Variants in LHFPL2 observed in about 807,000 individuals in gnomAD.
The protein encoded by LHFPL2 is LHFPL tetraspan subfamily member 2.
LHFPL2 carries 7 observed loss-of-function variants against 17.5 expected under a neutral mutation model. That is an observed-to-expected ratio of 0.40 (90% CI 0.23 to 0.75). LHFPL2 has a LOEUF of 0.75. Ranked by LOEUF, LHFPL2 falls within the 30% of genes least tolerant of loss-of-function variation. LHFPL2 has a pLI of 0.37. For synonymous variants in LHFPL2, 134 were observed against 116.2 expected, an observed-to-expected ratio of 1.15 and a Z score of -0.99; for missense variants, 241 against 294.8, an observed-to-expected ratio of 0.82 and a Z score of 1.34.
At chr5:78,554,702 G>A (rs1278111135) in intron 3 of LHFPL2, among the ~76,000 whole-genome samples, 1 of 152,244 alleles carries the variant, frequency 6.6e-6, no homozygotes, top group Non-Finnish European at 1.5e-5. Context: ...GCTTATTCGT[G>A]CTGAGGAAAC....
rs1355815701 is a variant in LHFPL2 at position 78,513,038 on chromosome 5, TGC to T, written c.-185-2642_-185-2641del. Among the ~76,000 whole-genome samples the T allele has an allele frequency of 3.3e-5, 5 of 152,266 alleles. No individual in the cohort carries two copies. In the East Asian group the frequency reaches 9.7e-4, roughly 29 times the overall value. ...CCAAAGTGCTAGGATTATAGGCGTG[TGC>T]AACCACCCCTGCCTGAATGTAATTT... On this transcript the variant is annotated intron_variant, in intron 3 of 4. Coordinates refer to ENST00000380345, the MANE Select transcript of LHFPL2 (RefSeq NM_005779.3).
At chr5:78,586,878 T>C (rs1184554187) in intron 2 of LHFPL2, among the ~76,000 whole-genome samples, 1 of 152,362 alleles carries the variant, frequency 6.6e-6, no homozygotes, top group East Asian at 1.9e-4. Context: ...ATATTCTTTT[T>C]ATATATACCA....
At chr5:78,635,944 T>A (rs772813052) in intron 1 of LHFPL2, among the ~76,000 whole-genome samples, 5 of 152,134 alleles carry the variant, frequency 3.3e-5, no homozygotes, top group Non-Finnish European at 7.3e-5. Context: ...AATGGCCACA[T>A]TAGAAGTGTG....
intron 2 of LHFPL2, among the ~76,000 whole-genome samples, chr5:78,568,669 A>T (rs1231101229): frequency 6.6e-6 from 1 of 152,176 alleles, no homozygotes; most frequent in Non-Finnish European, 1.5e-5. Context: ...AGTTGACCCG[A>T]GGTGGTCCAG....
At chr5:78,580,695 A>G (rs551592635) in intron 2 of LHFPL2, among the ~76,000 whole-genome samples, 1 of 152,124 alleles carries the variant, frequency 6.6e-6, no homozygotes, top group Non-Finnish European at 1.5e-5. Flanking sequence ...GTTCTGTTCC[A>G]TCGGTCTATT....
At chr5:78,523,182 T>C (rs1240978047) in intron 3 of LHFPL2, among the ~76,000 whole-genome samples, 1 of 152,042 alleles carries the variant, frequency 6.6e-6, no homozygotes, top group Non-Finnish European at 1.5e-5. Context: ...AGTGATTTTT[T>C]AACCCAGGCA....
At chr5:78,615,584 T>G (rs1744573405) in intron 2 of LHFPL2, among the ~76,000 whole-genome samples, 1 of 152,242 alleles carries the variant, frequency 6.6e-6, no homozygotes, top group South Asian at 2.1e-4. Context: ...AATTAACTTA[T>G]GACCTGCCAG....
At chr5:78,628,076 C>T (rs2112509226) in intron 2 of LHFPL2, among the ~76,000 whole-genome samples, 1 of 152,298 alleles carries the variant, frequency 6.6e-6, no homozygotes. Flanking sequence ...TGAAGGGTTA[C>T]TGTGCCTCCC....
intron 2 of LHFPL2, among the ~76,000 whole-genome samples, chr5:78,578,233 C>A (rs998196688): frequency 3.9e-5 from 6 of 152,188 alleles, no homozygotes; most frequent in Non-Finnish European, 8.8e-5. Flanking sequence ...AATGCCAGCA[C>A]ATTATCTTTT....
chr5:78,501,854 T>C (rs770907927), intron 4 of LHFPL2, among the ~76,000 whole-genome samples: 2 of 152,216 alleles, frequency 1.3e-5, no homozygotes, highest in Non-Finnish European at 2.9e-5. Context: ...TAAAAGAGTT[T>C]TTGTGAATGA....
chr5:78,618,734 G>T (rs1489098709), intron 2 of LHFPL2, among the ~76,000 whole-genome samples: 1 of 152,128 alleles, frequency 6.6e-6, no homozygotes, highest in Non-Finnish European at 1.5e-5. Flanking sequence ...CAAGGAGAGG[G>T]ACCCTGTTTT....
chr5:78,595,102 G>A (rs973720923), intron 2 of LHFPL2, among the ~76,000 whole-genome samples: 1 of 152,176 alleles, frequency 6.6e-6, no homozygotes, highest in Non-Finnish European at 1.5e-5. Context: ...ATCTCAACAT[G>A]CACTGATGAA....
intron 3 of LHFPL2, among the ~76,000 whole-genome samples, chr5:78,547,648 A>G (rs1756320347): frequency 2.0e-5 from 3 of 152,248 alleles, no homozygotes. Context: ...TTCCACACGT[A>G]TGAAATATTA....
chr5:78,596,687 C>T (rs143225409), intron 2 of LHFPL2, among the ~76,000 whole-genome samples: 9 of 152,284 alleles, frequency 5.9e-5, no homozygotes, highest in Non-Finnish European at 1.3e-4. Flanking sequence ...GACACCTCCC[C>T]GCCATGGTCC....
chr5:78,591,172 G>C (rs925086586), intron 2 of LHFPL2, among the ~76,000 whole-genome samples: 1 of 152,056 alleles, frequency 6.6e-6, no homozygotes, highest in African/African-American at 2.4e-5. Flanking sequence ...GAAGTAAAAC[G>C]CTAATGACTT....
Position 78,572,434 on chromosome 5 carries a change from GTATGTATGTGTATATA to G in LHFPL2, c.-244-7579_-244-7564del, listed in dbSNP as rs1243708929. Among the ~76,000 whole-genome samples, 6 of 150,096 alleles carry G rather than the reference GTATGTATGTGTATATA, an allele frequency of 4.0e-5. 1 individual carries two copies. In the South Asian group the frequency reaches 6.3e-4, roughly 16 times the overall value. ...ACATTTTATATACATATATATATAT[GTATGTATGTGTATATA>G]TATGTATGTGTATATACATGTGTAT... On this transcript the variant is annotated intron_variant, in intron 2 of 4. Transcript: ENST00000380345.
intron 2 of LHFPL2, among the ~76,000 whole-genome samples, chr5:78,565,469 G>A (rs1377931303): frequency 2.0e-5 from 3 of 152,140 alleles, no homozygotes; most frequent in Non-Finnish European, 4.4e-5. Context: ...CCTTTTGGTG[G>A]TCTCAAAGTC....
At position 78,510,250 on chromosome 5, in the gene LHFPL2, C is replaced by A; in HGVS notation, c.-37G>T. ...GGGCGAAGAAAGAGTCAGGAGTCCACGGAGTTAATCAAAACAAGAAAGTCG... is the reference window on the plus strand; with the variant it reads ...GGGCGAAGAAAGAGTCAGGAGTCCAAGGAGTTAATCAAAACAAGAAAGTCG... On this transcript the variant is annotated 5_prime_UTR_variant, in exon 4 of 5. Coordinates refer to ENST00000380345, the MANE Select transcript of LHFPL2 (RefSeq NM_005779.3). 6.6e-7 allele frequency: 1 copy of A among 1,524,210 alleles called. No individual in the cohort carries two copies. The highest frequency in any genetic ancestry group is 8.8e-7 in the Non-Finnish European group (1 of 1,133,596). The allele number at this position is 1,524,210 out of a possible 1,614,324, so 94.4% of individuals were successfully genotyped here.
chr5:78,637,181 C>T (rs2112522077), intron 1 of LHFPL2, among the ~76,000 whole-genome samples: 1 of 152,214 alleles, frequency 6.6e-6, no homozygotes, highest in South Asian at 2.1e-4. Flanking sequence ...CTAGCTAGCA[C>T]CTTAGCAGAG....
Sources: gnomAD v4.1 joint callset for allele counts (sites outside exome capture counted in the v4.1 genomes callset) on GRCh38, gnomAD v4.1.1 for gene constraint, MANE v1.5 for transcripts, NCBI Gene and HGNC (gene_info 2026-07-23, HGNC 2026-07-21) for gene names.